The following ETS1 variants were observed in gnomAD, a reference collection of about 807,000 sequenced individuals.
ETS1 encodes ETS proto-oncogene 1, transcription factor, also known as protein C-ets-1.
A neutral mutation model predicts 58.6 loss-of-function variants in ETS1; 15 were observed. That is an observed-to-expected ratio of 0.26 (90% CI 0.17 to 0.39). The LOEUF (loss-of-function observed/expected upper bound fraction) is 0.39. Among genes scored for constraint, ETS1 ranks in the 10% least tolerant of loss-of-function variants. The pLI, the probability that ETS1 is intolerant of heterozygous loss-of-function variation, is 1.00. For missense variants in ETS1, 417 were observed against 610.5 expected (o/e 0.68, Z 3.34); for synonymous variants, 214 against 218.2 (o/e 0.98, Z 0.17).
At chr11:128,506,886 A>C (rs1365608136) in intron 3 of ETS1, among the ~76,000 whole-genome samples, 1 of 152,156 alleles carries the variant, frequency 6.6e-6, no homozygotes, top group African/African-American at 2.4e-5. Context: ...CCTACCCTAA[A>C]GATGCTCCCA....
At chr11:128,567,383 C>G (rs936297242) in intron 2 of ETS1, among the ~76,000 whole-genome samples, 2 of 152,196 alleles carry the variant, frequency 1.3e-5, no homozygotes, top group South Asian at 4.1e-4. Flanking sequence ...CCCTTGATTT[C>G]ACAATATTTT....
At chr11:128,491,106 T>G (rs73029092) in intron 3 of ETS1, among the ~76,000 whole-genome samples, 2 of 152,346 alleles carry the variant, frequency 1.3e-5, no homozygotes, top group Non-Finnish European at 2.9e-5. Context: ...TTACTCTTCC[T>G]GAACACCTCT....
intron 5 of ETS1, among the ~76,000 whole-genome samples, chr11:128,487,309 C>A (rs529567380): frequency 6.6e-6 from 1 of 152,320 alleles, no homozygotes; most frequent in East Asian, 1.9e-4. Flanking sequence ...TGACTTATAT[C>A]CTAATTCTCT....
At position 128,463,833 on chromosome 11, in the gene ETS1, A is replaced by C. The variant is rs1861964653; in HGVS notation, c.1124-206T>G. 2.6e-6 allele frequency: 1 copy of C among 380,348 alleles called. No individual in the cohort carries two copies. 23.6% of individuals were successfully genotyped at this position (380,348 alleles called of 1,614,324 possible). A position where few individuals can be genotyped will look rare whatever the true frequency, so the allele number is the denominator to read the frequency against. On this transcript the variant is annotated intron_variant, in intron 8 of 9. Transcript: ENST00000392668. This position sits in a 1 kb window ranked among gnomAD's most constrained non-coding sequence, Gnocchi z 4.1. ...AAAGGCCTCCCTATAAAACAAAAGC[A>C]TGGAAGAAAATGTGTCAAGTGCTTT...
chr11:128,505,020 A>G (rs556400881), intron 3 of ETS1: 1 of 152,260 alleles, frequency 6.6e-6, no homozygotes, highest in Admixed American at 6.5e-5. Flanking sequence ...TCAACAGTCA[A>G]CTCCGATAGC....
chr11:128,551,758 T>G (rs1166675931), intron 3 of ETS1, among the ~76,000 whole-genome samples: 1 of 152,186 alleles, frequency 6.6e-6, no homozygotes, highest in East Asian at 1.9e-4. Context: ...AAACCCAGTT[T>G]GGACTCCCAA....
chr11:128,584,970 GAAAGAAA>G lies in ETS1; in HGVS notation c.-15+2511_-15+2517del, dbSNP rs1267857466. On this transcript the variant is annotated intron_variant, in intron 1 of 9. Coordinates refer to ENST00000392668, the MANE Select transcript of ETS1 (RefSeq NM_001143820.2). ...AGAAAGAAAGAAAGAAAGAAAGAAA[GAAAGAAA>G]GAAAGAAAGAAAGGAAGGAAGGAAG... Among the ~76,000 whole-genome samples, 49 of 24,140 alleles carry G rather than the reference GAAAGAAA, an allele frequency of 2.0e-3. 1 individual carries two copies. The highest frequency in any genetic ancestry group is 0.011 in the African/African-American group (42 of 3,690). The allele number at this position is 24,140 out of a possible 152,430, so 15.8% of individuals were successfully genotyped here.
At chr11:128,510,383 C>G (rs566428699) in intron 3 of ETS1, among the ~76,000 whole-genome samples, 78 of 152,266 alleles carry the variant, frequency 5.1e-4, no homozygotes, top group African/African-American at 1.9e-3. Flanking sequence ...AAGGTAAAGC[C>G]AGACTTGGGT....
chr11:128,463,718 C>T lies in ETS1; in HGVS notation c.1124-91G>A, dbSNP rs1480484988. 8.1e-6 allele frequency: 6 copies of T among 744,152 alleles called. No individual in the cohort carries two copies. The highest frequency in any genetic ancestry group is 3.4e-5 in the African/African-American group (2 of 58,488). 46.1% of individuals were successfully genotyped at this position (744,152 alleles called of 1,614,324 possible). ...CACACGGCACTCCCACATCCCTCTT[C>T]TCTCAGCCCATCCAGCCAGGAGAAA... On this transcript the variant is annotated intron_variant, in intron 8 of 9. Transcript: ENST00000392668. This position sits in a 1 kb window ranked among gnomAD's most constrained non-coding sequence, Gnocchi z 4.1.
rs886160303 is a variant in ETS1 at position 128,463,814 on chromosome 11, C to T, written c.1124-187G>A. ...TCGAACAGATAGAAAAGACAAAGGC[C>T]TCCCTATAAAACAAAAGCATGGAAG... On this transcript the variant is annotated intron_variant, in intron 8 of 9. Coordinates refer to ENST00000392668, the MANE Select transcript of ETS1 (RefSeq NM_001143820.2). This position sits in a 1 kb window ranked among gnomAD's most constrained non-coding sequence, Gnocchi z 4.1. 4 of 450,368 alleles carry T rather than the reference C, an allele frequency of 8.9e-6. No homozygotes were observed. The highest frequency in any genetic ancestry group is 4.0e-5 in the African/African-American group (2 of 50,226). 27.9% of individuals were successfully genotyped at this position (450,368 alleles called of 1,614,324 possible). A position where few individuals can be genotyped will look rare whatever the true frequency, so the allele number is the denominator to read the frequency against.
chr11:128,509,292 C>T (rs2135496472), intron 3 of ETS1, among the ~76,000 whole-genome samples: 1 of 152,334 alleles, frequency 6.6e-6, no homozygotes, highest in South Asian at 2.1e-4. Context: ...GATGCTGATT[C>T]ATTCTGTGTG....
Position 128,503,489 on chromosome 11 carries a change from G to A in ETS1, c.215-12913C>T, listed in dbSNP as rs575138131. 2.6e-3 allele frequency among the ~76,000 whole-genome samples: 403 copies of A among 152,218 alleles called. 2 individuals are homozygous for A. The highest frequency in any genetic ancestry group is 9.3e-3 in the African/African-American group (385 of 41,522). ...GAACTACCAGGACAACAGATAATGTGCACAAGCCCATAACAAGCAAACATA... is the reference window on the plus strand; with the variant it reads ...GAACTACCAGGACAACAGATAATGTACACAAGCCCATAACAAGCAAACATA... On this transcript the variant is annotated intron_variant, in intron 3 of 9. Coordinates refer to ENST00000392668, the MANE Select transcript of ETS1 (RefSeq NM_001143820.2).
chr11:128,519,058 A>G (rs1454516575), intron 3 of ETS1, among the ~76,000 whole-genome samples: 3 of 152,208 alleles, frequency 2.0e-5, no homozygotes, highest in Non-Finnish European at 4.4e-5. Flanking sequence ...AGTGAACCCA[A>G]TGGCTATATT....
intron 8 of ETS1, among the ~76,000 whole-genome samples, chr11:128,472,150 T>C (rs1041350698): frequency 6.6e-6 from 1 of 152,160 alleles, no homozygotes; most frequent in Non-Finnish European, 1.5e-5. Context: ...GAAAGTGTCC[T>C]ACCTACGCCT....
chr11:128,538,823 A>G (rs1316514559), intron 3 of ETS1, among the ~76,000 whole-genome samples: 2 of 152,106 alleles, frequency 1.3e-5, no homozygotes, highest in Admixed American at 1.3e-4. Flanking sequence ...TATCCTCAAA[A>G]TACTCATGCA....
chr11:128,586,021 C>T (rs1258940914), intron 1 of ETS1, among the ~76,000 whole-genome samples: 2 of 152,214 alleles, frequency 1.3e-5, no homozygotes, highest in Admixed American at 1.3e-4. Flanking sequence ...TCAGGACATC[C>T]TTTCACAGCC....
At chr11:128,520,208 C>A (rs1481494894) in intron 3 of ETS1, among the ~76,000 whole-genome samples, 8 of 152,200 alleles carry the variant, frequency 5.3e-5, no homozygotes, top group African/African-American at 1.9e-4. Flanking sequence ...GAAATGACGG[C>A]ACCATATACA....
chr11:128,539,270 C>T (rs1864019422), intron 3 of ETS1, among the ~76,000 whole-genome samples: 1 of 152,202 alleles, frequency 6.6e-6, no homozygotes, highest in Non-Finnish European at 1.5e-5. Context: ...AGACAACTCA[C>T]TTTATGGGAG....
At chr11:128,577,893 G>A (rs1335078501) in intron 1 of ETS1, among the ~76,000 whole-genome samples, 4 of 145,896 alleles carry the variant, frequency 2.7e-5, no homozygotes, top group Non-Finnish European at 6.0e-5. Context: ...ACGTGGGAGG[G>A]AATTCTCTTC....
Sources: allele counts gnomAD v4.1 joint callset (sites outside exome capture counted in the v4.1 genomes callset), GRCh38; gene constraint gnomAD v4.1.1; non-coding constraint Gnocchi (gnomAD v3.1); transcripts MANE v1.5; gene names NCBI Gene and HGNC (gene_info 2026-07-23, HGNC 2026-07-21).